TCF4: variants seen among roughly 807,000 people sequenced by gnomAD.
TCF4 encodes SL3-3 enhancer factor 2.
TCF4 carries 3 observed loss-of-function variants against 82.1 expected under a neutral mutation model. The observed-to-expected ratio is 0.04, with a 90% CI of 0.02 to 0.09. The LOEUF is 0.09. Among genes scored for constraint, TCF4 ranks in the 10% least tolerant of loss-of-function variants. TCF4 has a pLI of 1.00. For missense variants in TCF4, 518 were observed against 852.7 expected (o/e 0.61, Z 4.89); for synonymous variants, 276 against 309.6 (o/e 0.89, Z 1.14).
chr18:55,426,097 T>A (rs1464244414), intron 5 of TCF4, among the ~76,000 whole-genome samples: 3 of 120,030 alleles, frequency 2.5e-5, no homozygotes, highest in East Asian at 4.4e-4. Flanking sequence ...AGACAAAAAA[T>A]TTTATATATA....
intron 5 of TCF4, among the ~76,000 whole-genome samples, chr18:55,453,935 C>T (rs1277596888): frequency 6.6e-6 from 1 of 152,016 alleles, no homozygotes; most frequent in Non-Finnish European, 1.5e-5. Context: ...TCACAGCTCA[C>T]TGTAGTGACC....
chr18:55,434,763 C>CGTGTGTGTGTGTGTGT (rs527450659), intron 5 of TCF4, among the ~76,000 whole-genome samples: 9,719 of 131,600 alleles, frequency 0.074, 546 homozygotes, highest in East Asian at 0.18. Context: ...CTCAAGTATT[C>CGTGTGTGTGTGTGTGT]GTGTGTGTGT....
intron 5 of TCF4, among the ~76,000 whole-genome samples, chr18:55,439,340 C>G (rs1342311713): frequency 6.6e-6 from 1 of 152,122 alleles, no homozygotes; most frequent in Non-Finnish European, 1.5e-5. Context: ...CACACTGAGC[C>G]AGCAACAAAG....
intron 6 of TCF4, among the ~76,000 whole-genome samples, chr18:55,389,115 G>C (rs1286677991): frequency 6.6e-6 from 1 of 152,062 alleles, no homozygotes; most frequent in Non-Finnish European, 1.5e-5. Context: ...GACAGAGCGA[G>C]ACTCCATCTC....
In TCF4 at chr18:55,371,096, T is replaced by C. The variant is rs532744251; in HGVS notation, c.370-20093A>G. ...AAGGCTGTATCAAAGCTTAGACATA[T>C]ATGGTGTGACTAGCTATTTTGGTAT... On this transcript the variant is annotated intron_variant, in intron 6 of 19. Transcript: ENST00000354452. Among the ~76,000 whole-genome samples, 11 of 152,278 alleles carry C rather than the reference T, an allele frequency of 7.2e-5. No individual in the cohort carries two copies. The South Asian group carries it at 1.9e-3, about 26-fold the overall frequency.
At chr18:55,470,000 A>G (rs1270408079) in intron 3 of TCF4, among the ~76,000 whole-genome samples, 1 of 152,136 alleles carries the variant, frequency 6.6e-6, no homozygotes, top group Non-Finnish European at 1.5e-5. Context: ...AAGAAAACAC[A>G]TTTTTTGCCC....
chr18:55,558,809 G>A (rs558433403), intron 3 of TCF4, among the ~76,000 whole-genome samples: 76 of 152,134 alleles, frequency 5.0e-4, no homozygotes, highest in African/African-American at 1.8e-3. Flanking sequence ...GCACAATGAG[G>A]CTTTATGCTA....
At chr18:55,326,282 G>C (rs1181004827) in intron 8 of TCF4, among the ~76,000 whole-genome samples, 1 of 151,890 alleles carries the variant, frequency 6.6e-6, no homozygotes, top group Non-Finnish European at 1.5e-5. Flanking sequence ...AGCTTCTTTT[G>C]AGGCTTAAAT....
intron 6 of TCF4, among the ~76,000 whole-genome samples, chr18:55,391,367 T>C (rs2093075181): frequency 6.6e-6 from 1 of 152,172 alleles, no homozygotes; most frequent in Non-Finnish European, 1.5e-5. Context: ...ATATATATTT[T>C]TTAATTTTCA....
At chr18:55,635,808 C>G (rs2097735815) in exon 1 of TCF4, 3 of 1,554,550 alleles carry the variant, frequency 1.9e-6, no homozygotes, top group Non-Finnish European at 2.6e-6. Flanking sequence ...CAACTGCACC[C>G]TCCATCTTTG....
intron 3 of TCF4, among the ~76,000 whole-genome samples, chr18:55,543,569 T>A (rs1210618053): frequency 6.6e-6 from 1 of 152,110 alleles, no homozygotes; most frequent in Non-Finnish European, 1.5e-5. Context: ...CTTAAAATAA[T>A]CTCCCAGTGA....
upstream of TCF4, among the ~76,000 whole-genome samples, chr18:55,592,730 C>T (rs1400379216): frequency 3.3e-5 from 5 of 152,154 alleles, no homozygotes; most frequent in African/African-American, 7.2e-5. Flanking sequence ...TGATGGATCA[C>T]GCCCATCTTG....
intron 3 of TCF4, among the ~76,000 whole-genome samples, chr18:55,580,572 A>G (rs1249640304): frequency 6.6e-6 from 1 of 152,046 alleles, no homozygotes; most frequent in East Asian, 1.9e-4. Context: ...TTGGAAGGGT[A>G]GTTTATTTGG....
At chr18:55,474,561 A>G (rs1321684336) in intron 3 of TCF4, among the ~76,000 whole-genome samples, 2 of 152,130 alleles carry the variant, frequency 1.3e-5, no homozygotes, top group African/African-American at 2.4e-5. Flanking sequence ...TTCTAAAAGG[A>G]TAATTTATAA....
chr18:55,508,637 A>G (rs187321214), intron 3 of TCF4, among the ~76,000 whole-genome samples: 1 of 152,346 alleles, frequency 6.6e-6, no homozygotes, highest in Admixed American at 6.5e-5. Flanking sequence ...GGTTACAGGT[A>G]GTAAGTGGTC....
intron 3 of TCF4, among the ~76,000 whole-genome samples, chr18:55,568,545 A>T (rs1189987444): frequency 6.6e-6 from 1 of 151,852 alleles, no homozygotes; most frequent in Non-Finnish European, 1.5e-5. Context: ...GTTTATATAT[A>T]TATTTAATTG....
chr18:55,238,969 G>A (rs185159468), intron 15 of TCF4, among the ~76,000 whole-genome samples: 1 of 152,282 alleles, frequency 6.6e-6, no homozygotes, highest in African/African-American at 2.4e-5. Flanking sequence ...AGGAAGGGGG[G>A]ATAAGATCAT....
chr18:55,486,887 C>G lies in TCF4; in HGVS notation c.146-22750G>C, dbSNP rs944000984. 3.2e-4 allele frequency among the ~76,000 whole-genome samples: 49 copies of G among 152,108 alleles called. 1 individual carries two copies. Among genetic ancestry groups the G allele is most frequent in the Non-Finnish European group, 4.4e-5 (3 of 68,024 alleles). ...TGTAACTAACTGCAGCCTTTGCCAA[C>G]CCCCTCCCCTCCTTTCCTCTTTTAA... On this transcript the variant is annotated intron_variant, in intron 3 of 19. Transcript: ENST00000354452.
At chr18:55,315,395 A>G (rs1344625959) in intron 8 of TCF4, among the ~76,000 whole-genome samples, 19 of 152,226 alleles carry the variant, frequency 1.2e-4, no homozygotes, top group Non-Finnish European at 8.8e-5. Flanking sequence ...AACAGAAGCA[A>G]CACAGCATTT....
Sources: allele counts gnomAD v4.1 joint callset (sites outside exome capture counted in the v4.1 genomes callset), GRCh38; gene constraint gnomAD v4.1.1; transcripts MANE v1.5; gene names NCBI Gene and HGNC (gene_info 2026-07-23, HGNC 2026-07-21).